RPSA2: variants seen among roughly 807,000 people sequenced by gnomAD.
RPSA2 encodes the protein small ribosomal subunit protein uS2B.
chr19:23,793,174 A>G, the RPSA2 span, among the ~76,000 whole-genome samples: 1 of 151,224 alleles, frequency 6.6e-6, no homozygotes, highest in Non-Finnish European at 1.5e-5. Flanking sequence ...GTAAGAAAAC[A>G]GCACCATTTC....
chr19:23,831,796 C>G, the RPSA2 span: 1 of 302,406 alleles, frequency 3.3e-6, no homozygotes, highest in Middle Eastern at 4.5e-4. Flanking sequence ...CTACTCAGAG[C>G]AAAGTATTTC....
chr19:23,823,425 C>T, the RPSA2 span, among the ~76,000 whole-genome samples: 4,934 of 152,212 alleles, frequency 0.032, 156 homozygotes, highest in African/African-American at 0.079. Context: ...CCACTAGTCC[C>T]GGTTGGTCCC....
At chr19:23,806,090 G>A in the RPSA2 span, among the ~76,000 whole-genome samples, 143,042 of 146,198 alleles carry the variant, frequency 0.98, 70,065 homozygotes, top group Middle Eastern at 1. Flanking sequence ...TGTCGTCCCC[G>A]CTGGAGTGAA....
At chr19:23,812,101 T>A in the RPSA2 span, among the ~76,000 whole-genome samples, 1 of 152,200 alleles carries the variant, frequency 6.6e-6, no homozygotes, top group Non-Finnish European at 1.5e-5. Context: ...CAACTAGATT[T>A]TATGAGTAAA....
the RPSA2 span, among the ~76,000 whole-genome samples, chr19:23,805,478 G>A: frequency 6.6e-6 from 1 of 152,060 alleles, no homozygotes; most frequent in Admixed American, 6.6e-5. Context: ...GAAACTTATA[G>A]TTCCTAAATC....
chr19:23,824,585 T>TTTTTTTTTTTTTC, the RPSA2 span, among the ~76,000 whole-genome samples: 2 of 123,086 alleles, frequency 1.6e-5, no homozygotes, highest in East Asian at 4.6e-4. Context: ...CATTTCTTTT[T>TTTTTTTTTTTTTC]TTTTTTTTTT....
the RPSA2 span, among the ~76,000 whole-genome samples, chr19:23,803,095 A>AG: frequency 0.95 from 142,679 of 149,902 alleles, 67,932 homozygotes; most frequent in East Asian, 1. Flanking sequence ...CTGAGATTTA[A>AG]TTTTTTTTTT....
the RPSA2 span, chr19:23,817,804 G>C: frequency 6.6e-6 from 1 of 152,306 alleles, no homozygotes; most frequent in East Asian, 1.9e-4. Context: ...TGACCTTGCA[G>C]CTTCACTGGA....
the RPSA2 span, among the ~76,000 whole-genome samples, chr19:23,770,966 A>G: frequency 6.6e-6 from 1 of 152,206 alleles, no homozygotes; most frequent in Non-Finnish European, 1.5e-5. Context: ...TGACTCTCAT[A>G]CCTCTAAACA....
At chr19:23,806,918 G>T in the RPSA2 span, among the ~76,000 whole-genome samples, 2 of 151,740 alleles carry the variant, frequency 1.3e-5, no homozygotes, top group African/African-American at 4.8e-5. Context: ...CCATATAACC[G>T]ATGTTTTCTT....
chr19:23,836,512 A>AT, the RPSA2 span, among the ~76,000 whole-genome samples: 2 of 152,072 alleles, frequency 1.3e-5, no homozygotes, highest in Non-Finnish European at 2.9e-5. Flanking sequence ...ATAATGACTT[A>AT]TTTTTCTCTG....
the RPSA2 span, among the ~76,000 whole-genome samples, chr19:23,839,447 A>G: frequency 6.6e-6 from 1 of 152,110 alleles, no homozygotes; most frequent in Non-Finnish European, 1.5e-5. Context: ...CTGGTCTCAC[A>G]CCCACTGCAC....
the RPSA2 span, among the ~76,000 whole-genome samples, chr19:23,850,605 A>G: frequency 2.0e-5 from 3 of 151,304 alleles, no homozygotes. Context: ...TAAGTCTCCT[A>G]GTGGGCACCC....
chr19:23,803,439 A>G, the RPSA2 span, among the ~76,000 whole-genome samples: 1 of 152,192 alleles, frequency 6.6e-6, no homozygotes, highest in Non-Finnish European at 1.5e-5. Flanking sequence ...GAGACATTAC[A>G]TTTAGCAACT....
chr19:23,777,770 TG>T, the RPSA2 span, among the ~76,000 whole-genome samples: 28 of 152,270 alleles, frequency 1.8e-4, no homozygotes, highest in African/African-American at 6.3e-4. Context: ...AGCACCCAGG[TG>T]ATGGAACTCT....
At chr19:23,759,522 G>GTTTGTTTTT in the RPSA2 span, among the ~76,000 whole-genome samples, 1 of 89,034 alleles carries the variant, frequency 1.1e-5, no homozygotes, top group African/African-American at 4.4e-5. Context: ...TATATATCAG[G>GTTTGTTTTT]TTTTTTTTTT....
the RPSA2 span, among the ~76,000 whole-genome samples, chr19:23,834,039 A>G: frequency 6.6e-6 from 1 of 152,240 alleles, no homozygotes; most frequent in African/African-American, 2.4e-5. Flanking sequence ...AGTAAAGATG[A>G]AAGATATTTA....
the RPSA2 span, among the ~76,000 whole-genome samples, chr19:23,851,753 C>T: frequency 0.11 from 16,589 of 152,166 alleles, 1,329 homozygotes; most frequent in African/African-American, 0.2. Context: ...AACGCTGTAA[C>T]GGCCTCAGGA....
the RPSA2 span, among the ~76,000 whole-genome samples, chr19:23,805,551 TGTG>T: frequency 4.0e-5 from 3 of 74,792 alleles, no homozygotes; most frequent in Admixed American, 3.7e-4. Context: ...TGCCTTTAGG[TGTG>T]GTGGTAAGAG....
Sources: gnomAD v4.1 joint callset for allele counts (sites outside exome capture counted in the v4.1 genomes callset) on GRCh38, gnomAD v4.1.1 for gene constraint, MANE v1.5 for transcripts, NCBI Gene and HGNC (gene_info 2026-07-23, HGNC 2026-07-21) for gene names.